Variants in ZFPM1 observed in about 807,000 individuals in gnomAD.
ZFPM1 encodes zinc finger protein ZFPM1.
Under a neutral mutation model 46.3 loss-of-function variants are expected in ZFPM1, and 28 were observed. The observed-to-expected ratio is 0.60, with a 90% CI of 0.45 to 0.83. The LOEUF is 0.83. Among genes scored for constraint, ZFPM1 ranks in the 40% least tolerant of loss-of-function variants. ZFPM1 has a pLI of 0.00. For missense variants in ZFPM1, 1,878 were observed against 1,432.4 expected (o/e 1.31, Z -5.02); for synonymous variants, 957 against 675.9 (o/e 1.42, Z -6.45).
chr16:88,502,305 T>C (rs1422397697), intron 3 of ZFPM1, among the ~76,000 whole-genome samples: 1 of 151,954 alleles, frequency 6.6e-6, no homozygotes, highest in Non-Finnish European at 1.5e-5. Flanking sequence ...CTCGGGTTTA[T>C]TGCGTCTCGT....
At chr16:88,495,002 G>A (rs1480339305) in intron 3 of ZFPM1, among the ~76,000 whole-genome samples, 3 of 152,230 alleles carry the variant, frequency 2.0e-5, no homozygotes, top group Admixed American at 6.5e-5. Context: ...AAATGGCTAA[G>A]CCATAATCTA....
intron 9 of ZFPM1, 101 bp from the exon 10 acceptor site, chr16:88,533,047 C>G: frequency 6.7e-7 from 1 of 1,486,052 alleles, no homozygotes; most frequent in African/African-American, 1.4e-5. Flanking sequence ...TCGCTCTAAA[C>G]CACTCCCGCC....
chr16:88,494,952 T>G (rs995061677), intron 3 of ZFPM1, among the ~76,000 whole-genome samples: 6 of 152,214 alleles, frequency 3.9e-5, no homozygotes, highest in African/African-American at 1.4e-4. Context: ...TGAAATGACC[T>G]TGTTTGCCGG....
At chr16:88,513,710 G>A (rs1491002593) in intron 3 of ZFPM1, among the ~76,000 whole-genome samples, 1 of 152,176 alleles carries the variant, frequency 6.6e-6, no homozygotes, top group Admixed American at 6.5e-5. Flanking sequence ...GCAGCAGAGT[G>A]TGTCCTTGCA....
intron 6 of ZFPM1, among the ~76,000 whole-genome samples, chr16:88,528,633 C>A (rs1912535301): frequency 6.6e-6 from 1 of 152,244 alleles, no homozygotes; most frequent in African/African-American, 2.4e-5. Flanking sequence ...TGGAGGTGTC[C>A]CTGGACACCA....
chr16:88,482,864 G>GCTT (rs1909014307), intron 1 of ZFPM1, among the ~76,000 whole-genome samples: 9 of 152,230 alleles, frequency 5.9e-5, no homozygotes, highest in African/African-American at 1.9e-4. Context: ...CTCCCGCCAA[G>GCTT]TCGGGGATGG....
chr16:88,508,024 C>T (rs977148907), intron 3 of ZFPM1, among the ~76,000 whole-genome samples: 3 of 152,284 alleles, frequency 2.0e-5, no homozygotes, highest in Middle Eastern at 3.4e-3. Flanking sequence ...GGGCCGGGCA[C>T]GGTGGCTCAC....
rs1442312362 is a variant in ZFPM1, at chr16:88,534,978, G to C, written c.3020G>C (p.Ter1007SerextTer107). 1 of 1,430,978 alleles carries C rather than the reference G, an allele frequency of 7.0e-7. No homozygotes were observed. The highest frequency in any genetic ancestry group is 9.3e-7 in the Non-Finnish European group (1 of 1,077,258). 88.6% of individuals were successfully genotyped at this position (1,430,978 alleles called of 1,614,324 possible). A position where few individuals can be genotyped will look rare whatever the true frequency, so the allele number is the denominator to read the frequency against. The change falls in exon 10 of 10, where the codon TGA becomes TCA. Residue 1007 changes from the stop codon to serine (S), a stop_lost. Coordinates refer to ENST00000319555, the MANE Select transcript of ZFPM1 (RefSeq NM_153813.3). ...TCGCACGCCGCCGAGCACGTGAAGTGAGCGCCCACACTACAGCCGCAGACG... is the reference window on the plus strand; with the variant it reads ...TCGCACGCCGCCGAGCACGTGAAGTCAGCGCCCACACTACAGCCGCAGACG... ...CSSHAAEHVK* is the reference protein window; with the variant it reads ...CSSHAAEHVKS
At position 88,534,458 on chromosome 16, in the gene ZFPM1, G is replaced by A. The variant is rs1475956179; in HGVS notation, c.2500G>A (p.Ala834Thr). The A allele has an allele frequency of 1.3e-6, 2 of 1,495,986 alleles. No individual in the cohort carries two copies. The highest frequency in any genetic ancestry group is 2.4e-5 in the South Asian group (2 of 82,182). The allele number at this position is 1,495,986 out of a possible 1,614,324, so 92.7% of individuals were successfully genotyped here. Residue 834 changes from alanine (A) to threonine (T), a missense_variant, in exon 10 of 10, where the codon GCG becomes ACG. Coordinates refer to ENST00000319555, the MANE Select transcript of ZFPM1 (RefSeq NM_153813.3). The stretch of plus-strand genomic sequence containing the variant: ...CTTCCACAGCCTCGAGGCCTACCTG[G>A]CGCACAAGAAGTACTCGTGCCCCGC... ...VSFHSLEAYLAHKKYSCPAAP... is the reference protein window; with the variant it reads ...VSFHSLEAYLTHKKYSCPAAP...
intron 4 of ZFPM1, among the ~76,000 whole-genome samples, chr16:88,517,561 G>A (rs1161230259): frequency 6.7e-6 from 1 of 149,750 alleles, no homozygotes; most frequent in Non-Finnish European, 1.5e-5. Context: ...AGTGGGTGAA[G>A]GAGGGGTGGA....
chr16:88,495,877 T>C (rs1909903598), intron 3 of ZFPM1, among the ~76,000 whole-genome samples: 1 of 151,746 alleles, frequency 6.6e-6, no homozygotes, highest in Non-Finnish European at 1.5e-5. Context: ...AACTGGGCCA[T>C]GGGGAGGGGG....
At chr16:88,503,055 C>A (rs74035512) in intron 3 of ZFPM1, among the ~76,000 whole-genome samples, 6 of 152,164 alleles carry the variant, frequency 3.9e-5, no homozygotes, top group Non-Finnish European at 8.8e-5. Context: ...CGCTGCTCCG[C>A]GGGGCAGGGT....
intron 1 of ZFPM1, among the ~76,000 whole-genome samples, chr16:88,461,975 C>G (rs1907914060): frequency 1.3e-5 from 2 of 152,244 alleles, no homozygotes; most frequent in Non-Finnish European, 2.9e-5. Context: ...GCACTGCCCA[C>G]TCAGCACCCC....
chr16:88,452,150 T>C (rs1022662155), upstream of ZFPM1, among the ~76,000 whole-genome samples: 4 of 152,046 alleles, frequency 2.6e-5, no homozygotes, highest in Non-Finnish European at 5.9e-5. Flanking sequence ...GGGGAGCAGG[T>C]AGCAAGTGTA....
intron 9 of ZFPM1, 74 bp downstream of exon 9, chr16:88,533,009 CAA>C (rs957369876): frequency 2.1e-5 from 34 of 1,582,802 alleles, no homozygotes; most frequent in Non-Finnish European, 2.8e-5. Context: ...GCTTGTCGCC[CAA>C]GACAGGTGGG....
intron 4 of ZFPM1, 47 bp from the exon 5 acceptor site, chr16:88,526,767 G>A (rs970714838): frequency 9.2e-5 from 141 of 1,532,854 alleles, no homozygotes; most frequent in Non-Finnish European, 1.1e-4. Flanking sequence ...CCCCCAGGCA[G>A]GCTGCTGACG....
chr16:88,525,359 T>C lies in ZFPM1; in HGVS notation c.403-1455T>C, dbSNP rs1354541415. Among the ~76,000 whole-genome samples the C allele has an allele frequency of 2.0e-5, 3 of 152,184 alleles. No individual in the cohort carries two copies. The South Asian group carries it at 6.2e-4, about 31-fold the overall frequency. On this transcript the variant is annotated intron_variant, in intron 4 of 9. Coordinates refer to ENST00000319555, the MANE Select transcript of ZFPM1 (RefSeq NM_153813.3). ...GCACTGTCACCAGCCCGACCCCTTG[T>C]ACCATGGCAGGGTTGGGCTGACTGC...
intron 1 of ZFPM1, among the ~76,000 whole-genome samples, chr16:88,463,265 C>A (rs1229585767): frequency 2.6e-5 from 4 of 152,230 alleles, no homozygotes; most frequent in African/African-American, 9.6e-5. Flanking sequence ...CGCATCTATC[C>A]TGGACATCCT....
chr16:88,476,657 T>A (rs1908700884), intron 1 of ZFPM1, among the ~76,000 whole-genome samples: 1 of 151,914 alleles, frequency 6.6e-6, no homozygotes, highest in East Asian at 1.9e-4. Context: ...GGGGGCTGCT[T>A]AGTGAACATG....
Sources: gnomAD v4.1 joint callset for allele counts (sites outside exome capture counted in the v4.1 genomes callset) on GRCh38, gnomAD v4.1.1 for gene constraint, MANE v1.5 for transcripts, NCBI Gene and HGNC (gene_info 2026-07-23, HGNC 2026-07-21) for gene names.